DNAL1: variants seen among roughly 807,000 people sequenced by gnomAD.
The protein encoded by DNAL1 is dynein axonemal light chain 1, also known as chromosome 14 open reading frame 168.
Under a neutral mutation model 29.4 loss-of-function variants are expected in DNAL1, and 17 were observed. The observed-to-expected ratio is 0.58, with a 90% CI of 0.40 to 0.87. The LOEUF is 0.87. Among genes scored for constraint, DNAL1 ranks in the 40% least tolerant of loss-of-function variants. The pLI, the probability that DNAL1 is intolerant of heterozygous loss-of-function variation, is 0.00. For missense variants in DNAL1, 188 were observed against 214.1 expected (o/e 0.88, Z 0.76); for synonymous variants, 78 against 76.3 (o/e 1.02, Z -0.12).
At position 73,696,224 on chromosome 14, in the gene DNAL1, C is replaced by G. The variant is rs1892298593; in HGVS notation, c.*282C>G. 4.1e-6 allele frequency: 1 copy of G among 245,516 alleles called. No homozygotes were observed. The highest frequency in any genetic ancestry group is 2.2e-5 in the African/African-American group (1 of 44,638). The allele number at this position is 245,516 out of a possible 1,614,324, so 15.2% of individuals were successfully genotyped here. ...TACTGTGTAGCCCCATCTACTAAAA[C>G]AAAACCTTTGTAGACCAGTCATTTT... On this transcript the variant is annotated 3_prime_UTR_variant, in exon 8 of 8. Transcript: ENST00000553645.
chr14:73,657,864 G>C (rs1268231510), intron 2 of DNAL1, among the ~76,000 whole-genome samples: 1 of 152,188 alleles, frequency 6.6e-6, no homozygotes, highest in Non-Finnish European at 1.5e-5. Flanking sequence ...CGAAGTGCTG[G>C]GATTACAGGC....
intron 2 of DNAL1, among the ~76,000 whole-genome samples, chr14:73,658,435 A>G (rs1044358220): frequency 6.6e-6 from 1 of 152,148 alleles, no homozygotes; most frequent in African/African-American, 2.4e-5. Context: ...CTATTCTGTG[A>G]AAAATGACAT....
intron 6 of DNAL1, 58 bp downstream of exon 6, chr14:73,687,443 G>A (rs1215451496): frequency 2.7e-5 from 39 of 1,458,084 alleles, no homozygotes; most frequent in Non-Finnish European, 3.4e-5. Flanking sequence ...AAAATAGTCC[G>A]AGAGGGAAAA....
intron 4 of DNAL1, among the ~76,000 whole-genome samples, chr14:73,662,279 T>C (rs1891373786): frequency 6.6e-6 from 1 of 152,258 alleles, no homozygotes; most frequent in Non-Finnish European, 1.5e-5. Flanking sequence ...TGAGATGTCT[T>C]AAATAGAATA....
chr14:73,691,925 T>C (rs1350614959), intron 7 of DNAL1, among the ~76,000 whole-genome samples: 1 of 150,436 alleles, frequency 6.6e-6, no homozygotes, highest in South Asian at 2.1e-4. Flanking sequence ...TTTGACCTCT[T>C]GACCTCGTGA....
intron 7 of DNAL1, among the ~76,000 whole-genome samples, chr14:73,690,880 A>G (rs1180126835): frequency 6.6e-6 from 1 of 152,206 alleles, no homozygotes; most frequent in African/African-American, 2.4e-5. Context: ...ATAATTAGAA[A>G]TACATGGTAA....
Position 73,687,276 on chromosome 14 carries a change from A to G in DNAL1, c.282A>G (p.Thr94=). 1.2e-6 allele frequency: 2 copies of G among 1,612,912 alleles called. No homozygotes were observed. Among genetic ancestry groups the G allele is most frequent in the South Asian group, 1.1e-5 (1 of 90,984 alleles). Reference sequence around the variant, plus strand: ...TTTTTCAGGAGGCAGTAGGGGACACATTAGAAGAACTGTGGATCTCCTACA... The same window carrying G: ...TTTTTCAGGAGGCAGTAGGGGACACGTTAGAAGAACTGTGGATCTCCTACA... ...NLNGLEAVGD[T]LEELWISYNF... is the part of the protein sequence containing the mutation. Residue 94 remains threonine (T), a synonymous_variant, in exon 6 of 8, where the codon ACA becomes ACG. Transcript: ENST00000553645.
chr14:73,653,391 G>C (rs1008263624), intron 1 of DNAL1, among the ~76,000 whole-genome samples: 1 of 152,094 alleles, frequency 6.6e-6, no homozygotes, highest in Non-Finnish European at 1.5e-5. Flanking sequence ...TTGCCCTGTT[G>C]CCCAGGCTGG....
At chr14:73,656,878 T>G (rs1163530108) in intron 2 of DNAL1, among the ~76,000 whole-genome samples, 1 of 152,166 alleles carries the variant, frequency 6.6e-6, no homozygotes, top group Non-Finnish European at 1.5e-5. Context: ...GGATATGTAT[T>G]AGATCTTTTT....
At chr14:73,675,184 G>A (rs1032082511) in intron 5 of DNAL1, among the ~76,000 whole-genome samples, 1 of 138,782 alleles carries the variant, frequency 7.2e-6, no homozygotes, top group Non-Finnish European at 1.7e-5. Flanking sequence ...TCTTGTTCTT[G>A]TTCTCTCTCT....
At chr14:73,675,941 G>A (rs531751280) in intron 5 of DNAL1, among the ~76,000 whole-genome samples, 1 of 152,238 alleles carries the variant, frequency 6.6e-6, no homozygotes, top group Admixed American at 6.5e-5. Flanking sequence ...CTTGAATCCA[G>A]GAGGCAGAGG....
At chr14:73,649,058 C>A (rs991765336) in intron 1 of DNAL1, among the ~76,000 whole-genome samples, 1 of 151,974 alleles carries the variant, frequency 6.6e-6, no homozygotes, top group Non-Finnish European at 1.5e-5. Flanking sequence ...TCACTGCATC[C>A]TCCACCACCT....
intron 6 of DNAL1, among the ~76,000 whole-genome samples, chr14:73,689,126 C>T (rs1318305570): frequency 3.4e-5 from 5 of 147,302 alleles, no homozygotes; most frequent in African/African-American, 1.0e-4. Flanking sequence ...CTCCGTCTCC[C>T]GGGTTCAAGC....
intron 5 of DNAL1, among the ~76,000 whole-genome samples, chr14:73,683,095 C>T (rs1595221470): frequency 6.6e-6 from 1 of 151,978 alleles, no homozygotes; most frequent in Non-Finnish European, 1.5e-5. Context: ...AGGCTGGTCT[C>T]GAACTCCCTA....
At chr14:73,648,569 A>C (rs901515650) in intron 1 of DNAL1, among the ~76,000 whole-genome samples, 7 of 149,202 alleles carry the variant, frequency 4.7e-5, no homozygotes, top group Non-Finnish European at 3.0e-5. Context: ...CTGCACCACC[A>C]CTCCTGGCTA....
chr14:73,694,266 A>AT (rs1464412845), intron 7 of DNAL1, among the ~76,000 whole-genome samples: 5 of 150,408 alleles, frequency 3.3e-5, no homozygotes, highest in African/African-American at 4.9e-5. Flanking sequence ...AAATAAATAA[A>AT]TAAATAAATA....
chr14:73,680,345 C>G (rs1291665591), intron 5 of DNAL1, among the ~76,000 whole-genome samples: 6 of 152,066 alleles, frequency 3.9e-5, no homozygotes, highest in Non-Finnish European at 8.8e-5. Flanking sequence ...TGAAAAAACT[C>G]CTAAATATTA....
chr14:73,702,845 A>C lies in DNAL1; in HGVS notation c.*6903A>C, dbSNP rs1457575701. 1 of 152,078 alleles carries C rather than the reference A, an allele frequency of 6.6e-6. No individual in the cohort carries two copies. Among genetic ancestry groups the C allele is most frequent in the African/African-American group, 2.4e-5 (1 of 41,460 alleles). The allele number at this position is 152,078 out of a possible 1,614,324, so 9.4% of individuals were successfully genotyped here. On this transcript the variant is annotated 3_prime_UTR_variant, in exon 8 of 8. Transcript: ENST00000553645. ...CTGTCCTCCACTAAACAGCAGACAA[A>C]TTGCCAGGTGTGCTGGCTCATGCCT... is the stretch of plus-strand genomic sequence containing the variant.
chr14:73,696,599 T>C lies in DNAL1; in HGVS notation c.*657T>C, dbSNP rs1285186045. On this transcript the variant is annotated 3_prime_UTR_variant, in exon 8 of 8. Transcript: ENST00000553645. ...GGTTGTTTTTATATGCATGGCCACTTGAGTCATTGTGTACAGTCATTCTGT... is the reference window on the plus strand; with the variant it reads ...GGTTGTTTTTATATGCATGGCCACTCGAGTCATTGTGTACAGTCATTCTGT... The C allele has an allele frequency of 6.6e-6, 1 of 152,264 alleles. No homozygotes were observed. The allele number at this position is 152,264 out of a possible 1,614,324, so 9.4% of individuals were successfully genotyped here.
Sources: allele counts gnomAD v4.1 joint callset (sites outside exome capture counted in the v4.1 genomes callset), GRCh38; gene constraint gnomAD v4.1.1; transcripts MANE v1.5; gene names NCBI Gene and HGNC (gene_info 2026-07-23, HGNC 2026-07-21).